Variants in MSL2 observed in about 807,000 individuals in gnomAD.
The protein encoded by MSL2 is E3 ubiquitin-protein ligase MSL2.
In MSL2, 2 loss-of-function variants were observed where a neutral mutation model predicts 35.8. The observed-to-expected ratio is 0.06, with a 90% CI of 0.02 to 0.18. MSL2 has a LOEUF of 0.18. MSL2 is among the 10% of genes least tolerant of loss of function. The pLI is 1.00. For synonymous variants in MSL2, 296 were observed against 255.7 expected (o/e 1.16, Z -1.50); for missense variants, 523 against 706.7 (o/e 0.74, Z 2.95).
chr3:136,164,842 A>G (rs184212041), intron 1 of MSL2, among the ~76,000 whole-genome samples: 1 of 152,248 alleles, frequency 6.6e-6, no homozygotes, highest in Admixed American at 6.5e-5. Context: ...TACACACACA[A>G]GTACAAAAAA....
rs1329908304 is a variant in MSL2, at chr3:136,149,250, A to T, written c.*1897T>A. The stretch of plus-strand genomic sequence containing the variant: ...TATCCTCATCCATGTGTACAATCTC[A>T]TTTCTAATCATTTTTGCAGTGATCA... On this transcript the variant is annotated 3_prime_UTR_variant, in exon 2 of 2. Coordinates refer to ENST00000309993, the MANE Select transcript of MSL2 (RefSeq NM_018133.4). 3 of 152,514 alleles carry T rather than the reference A, an allele frequency of 2.0e-5. No individual in the cohort carries two copies. Among genetic ancestry groups the T allele is most frequent in the African/African-American group, 7.2e-5 (3 of 41,434 alleles). The allele number at this position is 152,514 out of a possible 1,614,324, so 9.4% of individuals were successfully genotyped here. A position where few individuals can be genotyped will look rare whatever the true frequency, so the allele number is the denominator to read the frequency against.
chr3:136,160,704 A>G (rs1939685309), intron 1 of MSL2, among the ~76,000 whole-genome samples: 1 of 151,572 alleles, frequency 6.6e-6, no homozygotes, highest in South Asian at 2.1e-4. Context: ...GCAAGCCTCC[A>G]TCTCAATTAA....
intron 1 of MSL2, among the ~76,000 whole-genome samples, chr3:136,176,089 A>G (rs1940165639): frequency 6.6e-6 from 1 of 152,252 alleles, no homozygotes; most frequent in Non-Finnish European, 1.5e-5. Context: ...CGACTATACC[A>G]TAAAAAGTTA....
chr3:136,160,355 G>C (rs1485117114), intron 1 of MSL2, among the ~76,000 whole-genome samples: 4 of 95,508 alleles, frequency 4.2e-5, no homozygotes, highest in African/African-American at 1.5e-4. Context: ...GGGAGGGAGG[G>C]AGGGAGGGAG....
chr3:136,183,349 C>T (rs1940422599), intron 1 of MSL2, among the ~76,000 whole-genome samples: 1 of 152,080 alleles, frequency 6.6e-6, no homozygotes, highest in Admixed American at 6.6e-5. Context: ...ATACTTGAGG[C>T]CAAGAGTTCA....
chr3:136,192,576 G>A (rs1285474312), intron 1 of MSL2, among the ~76,000 whole-genome samples: 2 of 149,164 alleles, frequency 1.3e-5, no homozygotes, highest in African/African-American at 5.0e-5. Flanking sequence ...AATTAAGAAA[G>A]CAAAGATAAA....
chr3:136,175,374 T>C (rs991300365), intron 1 of MSL2, among the ~76,000 whole-genome samples: 3 of 150,842 alleles, frequency 2.0e-5, no homozygotes, highest in Admixed American at 1.3e-4. Context: ...GAGAATACAC[T>C]TCTCTCACTG....
intron 1 of MSL2, among the ~76,000 whole-genome samples, chr3:136,168,645 GAAAT>G (rs1468065343): frequency 2.0e-5 from 3 of 152,006 alleles, no homozygotes; most frequent in Non-Finnish European, 4.4e-5. Flanking sequence ...AGCATTAGGA[GAAAT>G]ACCTCGATGA....
intron 1 of MSL2, among the ~76,000 whole-genome samples, chr3:136,174,702 A>G (rs1940121337): frequency 6.6e-6 from 1 of 152,222 alleles, no homozygotes; most frequent in Non-Finnish European, 1.5e-5. Context: ...TTTTAAAGTT[A>G]GCCTTAAATG....
chr3:136,192,655 T>C (rs957205947), intron 1 of MSL2, among the ~76,000 whole-genome samples: 7 of 151,632 alleles, frequency 4.6e-5, no homozygotes, highest in Non-Finnish European at 4.4e-5. Context: ...TAAAAGAGAA[T>C]TATGTAAAAC....
chr3:136,181,151 C>CAA (rs1276795090), intron 1 of MSL2, among the ~76,000 whole-genome samples: 2 of 145,918 alleles, frequency 1.4e-5, no homozygotes, highest in African/African-American at 5.1e-5. Flanking sequence ...AACTCTGTCT[C>CAA]AAAAAAAAAG....
At chr3:136,191,473 A>AG (rs1940688843) in intron 1 of MSL2, among the ~76,000 whole-genome samples, 1 of 151,704 alleles carries the variant, frequency 6.6e-6, no homozygotes, top group East Asian at 1.9e-4. Flanking sequence ...GTCTCAAAAA[A>AG]AAAAAAAAAA....
At chr3:136,191,125 C>G (rs532673133) in intron 1 of MSL2, among the ~76,000 whole-genome samples, 1 of 152,238 alleles carries the variant, frequency 6.6e-6, no homozygotes, top group African/African-American at 2.4e-5. Context: ...ATATTAAGTA[C>G]CTAATATGTG....
At chr3:136,157,296 C>T (rs922953396) in intron 1 of MSL2, among the ~76,000 whole-genome samples, 10 of 144,984 alleles carry the variant, frequency 6.9e-5, no homozygotes, top group Admixed American at 5.4e-4. Flanking sequence ...CACCTGAGGT[C>T]AGGAGTTCGA....
intron 1 of MSL2, among the ~76,000 whole-genome samples, chr3:136,183,747 T>C (rs749170782): frequency 1.1e-4 from 16 of 152,196 alleles, no homozygotes; most frequent in African/African-American, 2.4e-4. Context: ...CAAAAACTTA[T>C]GATAAAACTC....
At chr3:136,158,938 T>G (rs1159068394) in intron 1 of MSL2, among the ~76,000 whole-genome samples, 1 of 152,172 alleles carries the variant, frequency 6.6e-6, no homozygotes, top group Non-Finnish European at 1.5e-5. Flanking sequence ...AAAACACAGC[T>G]GAAAGAAATT....
chr3:136,156,495 CA>C (rs921548457), intron 1 of MSL2, among the ~76,000 whole-genome samples: 1 of 151,946 alleles, frequency 6.6e-6, no homozygotes, highest in Non-Finnish European at 1.5e-5. Context: ...CCTTTTTTCC[CA>C]AAAGCATTGT....
intron 1 of MSL2, among the ~76,000 whole-genome samples, chr3:136,181,330 C>G (rs542180015): frequency 6.6e-6 from 1 of 152,016 alleles, no homozygotes; most frequent in Non-Finnish European, 1.5e-5. Flanking sequence ...AAATACATGA[C>G]TAAGATTAAA....
rs1940830770 is a variant in MSL2 at position 136,195,902 on chromosome 3, G to A, written c.-789C>T. 22 of 827,478 alleles carry A rather than the reference G, an allele frequency of 2.7e-5. No homozygotes were observed. Among genetic ancestry groups the A allele is most frequent in the Non-Finnish European group, 3.1e-5 (21 of 687,316 alleles). 51.3% of individuals were successfully genotyped at this position (827,478 alleles called of 1,614,324 possible). On this transcript the variant is annotated 5_prime_UTR_variant, in exon 1 of 2. Coordinates refer to ENST00000309993, the MANE Select transcript of MSL2 (RefSeq NM_018133.4). Reference sequence around the variant, plus strand: ...GGGGGGCAAGCCCGGCCGGGCCGCGGCGGCGCCCCTCGCGCCTCAGTCGCA... The same window carrying A: ...GGGGGGCAAGCCCGGCCGGGCCGCGACGGCGCCCCTCGCGCCTCAGTCGCA...
Sources: gnomAD v4.1 joint callset for allele counts (sites outside exome capture counted in the v4.1 genomes callset) on GRCh38, gnomAD v4.1.1 for gene constraint, MANE v1.5 for transcripts, NCBI Gene and HGNC (gene_info 2026-07-23, HGNC 2026-07-21) for gene names.